The following RFLNA variants were observed in gnomAD, a reference collection of about 807,000 sequenced individuals.
RFLNA encodes refilin-A.
In RFLNA, 5 loss-of-function variants were observed where a neutral mutation model predicts 7.8. The observed-to-expected ratio is 0.64, with a 90% confidence interval of 0.34 to 1.35. The LOEUF is 1.35. RFLNA is among the 40% of genes most tolerant of loss of function. RFLNA has a pLI of 0.04. For synonymous variants in RFLNA, 141 were observed against 131.3 expected, an observed-to-expected ratio of 1.07 and a Z score of -0.50; for missense variants, 278 against 305.5, an observed-to-expected ratio of 0.91 and a Z score of 0.67.
intron 1 of RFLNA, among the ~76,000 whole-genome samples, chr12:124,308,127 G>A (rs1291641503): frequency 2.6e-5 from 4 of 152,020 alleles, no homozygotes; most frequent in Non-Finnish European, 4.4e-5. Flanking sequence ...GACTACAGGC[G>A]TGCACCACCA....
Position 124,298,902 on chromosome 12 carries a change from C to T in RFLNA, c.207+3266C>T, listed in dbSNP as rs140213568. Among the ~76,000 whole-genome samples, 7 of 152,320 alleles carry T rather than the reference C, an allele frequency of 4.6e-5. No individual in the cohort carries two copies. In the East Asian group the frequency reaches 9.6e-4, roughly 21 times the overall value. On this transcript the variant is annotated intron_variant, in intron 1 of 2. Transcript: ENST00000546355. ...ACAAGCAAGCTAGGCATGGCCTGTTCGGGTGATGGGTGCACAAAAATCTCA... is the reference window on the plus strand; with the variant it reads ...ACAAGCAAGCTAGGCATGGCCTGTTTGGGTGATGGGTGCACAAAAATCTCA...
chr12:124,304,857 G>A (rs559243580), intron 1 of RFLNA, among the ~76,000 whole-genome samples: 6 of 152,292 alleles, frequency 3.9e-5, no homozygotes, highest in African/African-American at 9.6e-5. Context: ...CCCCTCTTGC[G>A]GGAGAAGGGC....
chr12:124,298,381 G>A lies in RFLNA; in HGVS notation c.207+2745G>A, dbSNP rs149001493. On this transcript the variant is annotated intron_variant, in intron 1 of 2. Transcript: ENST00000546355. ...CAGGGTATCTGGGAAGCGGCTGGCT[G>A]TAAGATCACTCCCCAAGACATCAAA... Among the ~76,000 whole-genome samples the A allele has an allele frequency of 4.2e-3, 646 of 152,262 alleles. 4 individuals are homozygous for A. The highest frequency in any genetic ancestry group is 0.015 in the African/African-American group (603 of 41,542).
At chr12:124,313,087 A>G (rs1364076562) in intron 2 of RFLNA, among the ~76,000 whole-genome samples, 3 of 152,148 alleles carry the variant, frequency 2.0e-5, no homozygotes, top group African/African-American at 7.2e-5. Flanking sequence ...TTCAATCCCC[A>G]AACAGCCTTC....
At chr12:124,308,417 G>A (rs139392537) in intron 1 of RFLNA, among the ~76,000 whole-genome samples, 73 of 151,764 alleles carry the variant, frequency 4.8e-4, no homozygotes, top group Middle Eastern at 3.4e-3. Flanking sequence ...CAGGGTCTGC[G>A]TGGACATGGG....
chr12:124,296,120 CTT>C (rs1270454580), intron 1 of RFLNA, among the ~76,000 whole-genome samples: 1 of 3,184 alleles, frequency 3.1e-4, no homozygotes. Flanking sequence ...TTCTTTCTTT[CTT>C]TCTCTCTCTC....
chr12:124,304,990 G>A (rs560100873), intron 1 of RFLNA, among the ~76,000 whole-genome samples: 4 of 143,748 alleles, frequency 2.8e-5, no homozygotes, highest in African/African-American at 8.9e-5. Context: ...TTTGGGGAGT[G>A]TGTATTATTT....
chr12:124,298,981 A>G (rs1028776767), intron 1 of RFLNA, among the ~76,000 whole-genome samples: 2 of 152,252 alleles, frequency 1.3e-5, no homozygotes, highest in African/African-American at 4.8e-5. Flanking sequence ...AGGAGCCACA[A>G]AGAGGCAGGG....
upstream of RFLNA, among the ~76,000 whole-genome samples, chr12:124,293,406 T>C (rs2033852990): frequency 6.6e-6 from 1 of 152,186 alleles, no homozygotes; most frequent in African/African-American, 2.4e-5. Context: ...CTACTGGGTC[T>C]GGGTGGGTGA....
intron 2 of RFLNA, 64 bp downstream of exon 2, chr12:124,311,991 C>T (rs1046167591): frequency 2.4e-5 from 35 of 1,442,174 alleles, no homozygotes; most frequent in African/African-American, 2.9e-5. Flanking sequence ...GGTCCTGACT[C>T]TCTTGTGGGA....
At chr12:124,310,298 G>T (rs879344124) in intron 1 of RFLNA, among the ~76,000 whole-genome samples, 2 of 151,780 alleles carry the variant, frequency 1.3e-5, no homozygotes, top group Non-Finnish European at 2.9e-5. Context: ...AGTACAGATG[G>T]ACGGGGTTTT....
In RFLNA at chr12:124,306,352, G is replaced by A. The variant is rs535672727; in HGVS notation, c.208-5466G>A. On this transcript the variant is annotated intron_variant, in intron 1 of 2. Transcript: ENST00000546355. This position sits in a 1 kb window ranked among gnomAD's most constrained non-coding sequence, Gnocchi z 5.2. The stretch of plus-strand genomic sequence containing the variant: ...TGAGTTGGCTCTCACCAGCCCAAGC[G>A]AGAAGCAGCCAGTGCAGCAGGGAAC... Among the ~76,000 whole-genome samples, 2 of 152,292 alleles carry A rather than the reference G, an allele frequency of 1.3e-5. No homozygotes were observed. Among genetic ancestry groups the A allele is most frequent in the East Asian group, 3.9e-4 (2 of 5,166 alleles).
At chr12:124,309,504 T>C (rs1376850104) in intron 1 of RFLNA, among the ~76,000 whole-genome samples, 1 of 152,234 alleles carries the variant, frequency 6.6e-6, no homozygotes, top group Non-Finnish European at 1.5e-5. Flanking sequence ...CGCGAGCATC[T>C]CTTCGCATCT....
At position 124,310,172 on chromosome 12, in the gene RFLNA, CAAAAAAAA is replaced by C. The variant is rs71088996; in HGVS notation, c.208-1629_208-1622del. On this transcript the variant is annotated intron_variant, in intron 1 of 2. Coordinates refer to ENST00000546355, the MANE Select transcript of RFLNA (RefSeq NM_001365156.1). ...TGGGTGACAGAGAGAGACTCTGTCT[CAAAAAAAA>C]AAAAAAAAAAAAAAAAGCCTTTAGA... Among the ~76,000 whole-genome samples the C allele has an allele frequency of 1.4e-3, 24 of 17,088 alleles. 1 individual carries two copies. The highest frequency in any genetic ancestry group is 0.013 in the East Asian group (5 of 400). The allele number at this position is 17,088 out of a possible 152,430, so 11.2% of individuals were successfully genotyped here. A position where few individuals can be genotyped will look rare whatever the true frequency, so the allele number is the denominator to read the frequency against.
At chr12:124,310,218 T>C (rs1448763948) in intron 1 of RFLNA, among the ~76,000 whole-genome samples, 2 of 129,668 alleles carry the variant, frequency 1.5e-5, no homozygotes, top group Non-Finnish European at 3.3e-5. Flanking sequence ...CAGAGCCTCC[T>C]GGCCCTGCCC....
chr12:124,313,450 G>C (rs181074837), intron 2 of RFLNA, among the ~76,000 whole-genome samples: 1 of 152,130 alleles, frequency 6.6e-6, no homozygotes, highest in African/African-American at 2.4e-5. Flanking sequence ...AGGCCGAGGC[G>C]GGCGGATCAC....
At chr12:124,291,555 CCTG>C (rs2033825213), upstream of RFLNA, among the ~76,000 whole-genome samples, 1 of 152,186 alleles carries the variant, frequency 6.6e-6, no homozygotes, top group Non-Finnish European at 1.5e-5. Context: ...CCGTTCCTGG[CCTG>C]CTTTATTTCA....
At chr12:124,297,586 A>T (rs2033951273) in intron 1 of RFLNA, among the ~76,000 whole-genome samples, 1 of 152,256 alleles carries the variant, frequency 6.6e-6, no homozygotes, top group Non-Finnish European at 1.5e-5. Context: ...TTGCCCAGCC[A>T]GGAAGCGGCT....
At chr12:124,290,214 G>T (rs2033797690), upstream of RFLNA, among the ~76,000 whole-genome samples, 1 of 152,182 alleles carries the variant, frequency 6.6e-6, no homozygotes, top group South Asian at 2.1e-4. The surrounding 1 kb of genome is among the most constrained non-coding windows in gnomAD (Gnocchi z 4.0). Flanking sequence ...ATATGCATAT[G>T]TGTGTGTGTA....
Sources: gnomAD v4.1 joint callset for allele counts (sites outside exome capture counted in the v4.1 genomes callset) on GRCh38, gnomAD v4.1.1 for gene constraint, Gnocchi (gnomAD v3.1) non-coding constraint, MANE v1.5 for transcripts, NCBI Gene and HGNC (gene_info 2026-07-23, HGNC 2026-07-21) for gene names.